The following PTPRD variants were observed in gnomAD, a reference collection of about 807,000 sequenced individuals.
PTPRD encodes receptor-type tyrosine-protein phosphatase delta.
Under a neutral mutation model 214.5 loss-of-function variants are expected in PTPRD, and 34 were observed. The ratio of observed to expected loss-of-function variants is 0.16; its 90% CI spans 0.12 to 0.21. The LOEUF (loss-of-function observed/expected upper bound fraction) is 0.21. Ranked by LOEUF, PTPRD falls within the 10% of genes least tolerant of loss-of-function variation. The pLI is 1.00. For synonymous variants in PTPRD, 1,128 were observed against 845.7 expected (o/e 1.33, Z -5.79); for missense variants, 2,545 against 2,398.7 (o/e 1.06, Z -1.27).
chr9:9,607,728 A>G (rs1712878097), intron 7 of PTPRD, among the ~76,000 whole-genome samples: 1 of 148,408 alleles, frequency 6.7e-6, no homozygotes. Context: ...ATTATAATAC[A>G]AAGAATAGAC....
At chr9:9,990,320 T>C (rs1318809357) in intron 4 of PTPRD, among the ~76,000 whole-genome samples, 1 of 152,244 alleles carries the variant, frequency 6.6e-6, no homozygotes, top group Admixed American at 6.5e-5. Context: ...TGCAAACTAC[T>C]GAAATGTAAC....
chr9:10,156,403 A>T (rs2099093812), intron 3 of PTPRD, among the ~76,000 whole-genome samples: 1 of 152,156 alleles, frequency 6.6e-6, no homozygotes, highest in South Asian at 2.1e-4. Context: ...CTCAAAAGTC[A>T]TTCAGGAAAA....
At chr9:9,462,797 T>C (rs1387419896) in intron 8 of PTPRD, among the ~76,000 whole-genome samples, 1 of 152,136 alleles carries the variant, frequency 6.6e-6, no homozygotes, top group African/African-American at 2.4e-5. Flanking sequence ...TCAATAGAGA[T>C]GGAAATTTTG....
chr9:8,575,095 C>A (rs1434996231), intron 14 of PTPRD, among the ~76,000 whole-genome samples: 1 of 152,086 alleles, frequency 6.6e-6, no homozygotes, highest in African/African-American at 2.4e-5. Flanking sequence ...CTACGAATAG[C>A]TGTTCAAGTA....
intron 2 of PTPRD, among the ~76,000 whole-genome samples, chr9:10,557,073 TA>T (rs894712893): frequency 2.6e-5 from 4 of 152,042 alleles, no homozygotes; most frequent in African/African-American, 9.7e-5. Context: ...TTCAAGCACA[TA>T]ATTGAAATTA....
chr9:9,499,320 A>C (rs1007156560), intron 8 of PTPRD, among the ~76,000 whole-genome samples: 2 of 152,056 alleles, frequency 1.3e-5, no homozygotes, highest in Admixed American at 1.3e-4. Context: ...CATGGCAGGG[A>C]AAGATCATGA....
intron 14 of PTPRD, among the ~76,000 whole-genome samples, chr9:8,554,410 G>T (rs909238085): frequency 1.3e-5 from 2 of 152,200 alleles, no homozygotes; most frequent in African/African-American, 2.4e-5. Context: ...AAAAAGTAGG[G>T]AAAAAGTCCT....
intron 7 of PTPRD, among the ~76,000 whole-genome samples, chr9:9,700,888 A>T (rs2097485745): frequency 6.6e-6 from 1 of 152,168 alleles, no homozygotes; most frequent in Admixed American, 6.5e-5. Flanking sequence ...CTGACAATCT[A>T]ACAGAAAGTT....
At chr9:9,595,421 T>C (rs1273379940) in intron 7 of PTPRD, among the ~76,000 whole-genome samples, 1 of 149,474 alleles carries the variant, frequency 6.7e-6, no homozygotes, top group African/African-American at 2.5e-5. Flanking sequence ...TATACAAATG[T>C]ACACATATAC....
At chr9:10,035,495 G>C (rs1353984047) in intron 3 of PTPRD, among the ~76,000 whole-genome samples, 1 of 152,112 alleles carries the variant, frequency 6.6e-6, no homozygotes, top group Non-Finnish European at 1.5e-5. Flanking sequence ...TCTTCGTCAT[G>C]AAATCTTTGC....
At chr9:9,753,315 C>A (rs991636014) in intron 6 of PTPRD, among the ~76,000 whole-genome samples, 3 of 151,922 alleles carry the variant, frequency 2.0e-5, no homozygotes, top group Admixed American at 2.0e-4. Context: ...AATACAGGGA[C>A]CCCTCTGGAC....
At chr9:10,379,448 T>G (rs1246076423) in intron 2 of PTPRD, among the ~76,000 whole-genome samples, 2 of 151,964 alleles carry the variant, frequency 1.3e-5, no homozygotes, top group Non-Finnish European at 2.9e-5. Flanking sequence ...ATTCCAGATC[T>G]TAGAGGAAAG....
intron 5 of PTPRD, among the ~76,000 whole-genome samples, chr9:9,903,022 A>G (rs2076755367): frequency 6.6e-6 from 1 of 152,098 alleles, no homozygotes. Context: ...AAAAACATCG[A>G]AAATTCCAGT....
intron 14 of PTPRD, among the ~76,000 whole-genome samples, chr9:8,582,566 G>A (rs971381178): frequency 6.9e-6 from 1 of 144,482 alleles, no homozygotes; most frequent in South Asian, 2.3e-4. Flanking sequence ...TGATATAATA[G>A]GGAAAAAAGG....
At chr9:8,951,527 A>C (rs1038305686) in intron 11 of PTPRD, among the ~76,000 whole-genome samples, 1 of 151,958 alleles carries the variant, frequency 6.6e-6, no homozygotes, top group African/African-American at 2.4e-5. Flanking sequence ...TTTGTTACCT[A>C]GTAGCTGTTT....
intron 3 of PTPRD, among the ~76,000 whole-genome samples, chr9:10,176,759 C>T (rs889219060): frequency 6.6e-6 from 1 of 151,874 alleles, no homozygotes; most frequent in Non-Finnish European, 1.5e-5. Flanking sequence ...TTGAGTAAAC[C>T]ATGTTAAGTA....
At chr9:10,265,279 G>C (rs192862165) in intron 3 of PTPRD, among the ~76,000 whole-genome samples, 16 of 152,012 alleles carry the variant, frequency 1.1e-4, no homozygotes, top group African/African-American at 3.6e-4. Context: ...AATAAGTCTG[G>C]GCTAGCCTGT....
chr9:10,118,025 G>T (rs533055473), intron 3 of PTPRD, among the ~76,000 whole-genome samples: 1 of 152,058 alleles, frequency 6.6e-6, no homozygotes, highest in South Asian at 2.1e-4. Flanking sequence ...AATGTCTAAT[G>T]AATGTATATC....
At chr9:10,543,479 T>TAC (rs567757732) in intron 2 of PTPRD, among the ~76,000 whole-genome samples, 28,877 of 145,026 alleles carry the variant, frequency 0.2, 3,165 homozygotes, top group Admixed American at 0.27. Context: ...TATATATATA[T>TAC]ACACACACAC....
Sources: allele counts gnomAD v4.1 joint callset (sites outside exome capture counted in the v4.1 genomes callset), GRCh38; gene constraint gnomAD v4.1.1; transcripts MANE v1.5; gene names NCBI Gene and HGNC (gene_info 2026-07-23, HGNC 2026-07-21).